The following MAPK8IP3 variants were observed in gnomAD, a reference collection of about 807,000 sequenced individuals.
MAPK8IP3 encodes mitogen-activated protein kinase 8 interacting protein 3.
A neutral mutation model predicts 157.8 loss-of-function variants in MAPK8IP3; 49 were observed. The observed-to-expected ratio is 0.31, with a 90% CI of 0.25 to 0.39. The LOEUF (loss-of-function observed/expected upper bound fraction) is 0.39, where lower values mean the gene tolerates loss of function less well. MAPK8IP3 is among the 10% of genes least tolerant of loss of function. MAPK8IP3 has a pLI of 1.00. For missense variants in MAPK8IP3, 1,478 were observed against 1,889.4 expected, an observed-to-expected ratio of 0.78 and a Z score of 4.04; for synonymous variants, 897 against 777.7, an observed-to-expected ratio of 1.15 and a Z score of -2.55.
chr16:1,749,952 G>A (rs534963023), intron 8 of MAPK8IP3, among the ~76,000 whole-genome samples: 5 of 152,280 alleles, frequency 3.3e-5, no homozygotes, highest in African/African-American at 4.8e-5. Flanking sequence ...CATGTTAACC[G>A]AGTTGAAGTG....
At chr16:1,736,628 G>A (rs1306145603) in intron 4 of MAPK8IP3, among the ~76,000 whole-genome samples, 58 of 52,486 alleles carry the variant, frequency 1.1e-3, no homozygotes, top group East Asian at 1.5e-3. Context: ...CCGTGTGAGC[G>A]TCCGTGTGAG....
chr16:1,758,211 G>A (rs764800609), intron 9 of MAPK8IP3, 52 bp downstream of exon 9: 83 of 1,605,000 alleles, frequency 5.2e-5, no homozygotes, highest in Middle Eastern at 1.7e-4. Context: ...GGGGGGAGTG[G>A]GTGGACGGGG....
At chr16:1,735,308 G>A (rs1012178676) in intron 4 of MAPK8IP3, among the ~76,000 whole-genome samples, 4 of 151,104 alleles carry the variant, frequency 2.6e-5, no homozygotes, top group Non-Finnish European at 5.9e-5. Flanking sequence ...GTGACTGTCC[G>A]TGTTTCCGTG....
At chr16:1,766,184 T>C in intron 21 of MAPK8IP3, 36 bp from the exon 22 acceptor site, 1 of 1,602,338 alleles carries the variant, frequency 6.2e-7, no homozygotes, top group Non-Finnish European at 8.5e-7. Context: ...CATTCCCACG[T>C]TTCTGCCCAG....
At position 1,706,729 on chromosome 16, in the gene MAPK8IP3, A is replaced by T; in HGVS notation, c.318+72A>T. The T allele has an allele frequency of 1.1e-5, 16 of 1,392,496 alleles. No homozygotes were observed. Among genetic ancestry groups the T allele is most frequent in the Non-Finnish European group, 1.4e-5 (15 of 1,063,000 alleles). The allele number at this position is 1,392,496 out of a possible 1,614,324, so 86.3% of individuals were successfully genotyped here. On this transcript the variant is annotated intron_variant, in intron 1 of 31. Transcript: ENST00000610761. This position sits in a 1 kb window ranked among gnomAD's most constrained non-coding sequence, Gnocchi z 5.1. ...GCCAGCCCCGGGCCCCGGACCCAAC[A>T]CCCGTCCCGACCCCAGACCCCGCTC...
At chr16:1,734,126 T>C (rs1005519581) in intron 4 of MAPK8IP3, among the ~76,000 whole-genome samples, 15 of 152,098 alleles carry the variant, frequency 9.9e-5, no homozygotes, top group African/African-American at 3.6e-4. Flanking sequence ...TGCAGTGGGG[T>C]CTGCGCAGCT....
chr16:1,737,071 AGCGTGTGACCGTCCGTGT>A (rs2039986034), intron 4 of MAPK8IP3, among the ~76,000 whole-genome samples: 1 of 56,862 alleles, frequency 1.8e-5, no homozygotes, highest in Admixed American at 2.7e-4. Context: ...CGTCCGTGTG[AGCGTGTGACCGTCCGTGT>A]GAGTGTGACC....
intron 4 of MAPK8IP3, among the ~76,000 whole-genome samples, chr16:1,736,805 C>CAT (rs1567165325): frequency 6.6e-5 from 3 of 45,722 alleles, no homozygotes; most frequent in Non-Finnish European, 7.3e-5. Flanking sequence ...TCCGTGTGAG[C>CAT]GTGTGACCGT....
chr16:1,765,848 C>G (rs1431763410), intron 20 of MAPK8IP3, 112 bp from the exon 21 acceptor site: 13 of 1,009,778 alleles, frequency 1.3e-5, no homozygotes, highest in Non-Finnish European at 1.7e-5. Context: ...GCTGGGTCTG[C>G]TGGGAAAGTG....
At chr16:1,731,007 GCACA>G (rs2039281915) in intron 4 of MAPK8IP3, among the ~76,000 whole-genome samples, 1 of 152,006 alleles carries the variant, frequency 6.6e-6, no homozygotes, top group Admixed American at 6.6e-5. Context: ...GGGTGTGGTG[GCACA>G]TGCCTGTAGT....
Position 1,724,501 on chromosome 16 carries a change from G to GC in MAPK8IP3, c.319-55dup, listed in dbSNP as rs2038739037. 1 of 1,581,880 alleles carries GC rather than the reference G, an allele frequency of 6.3e-7. No individual in the cohort carries two copies. The highest frequency in any genetic ancestry group is 1.7e-5 in the Admixed American group (1 of 58,734). On this transcript the variant is annotated intron_variant, in intron 1 of 31. Coordinates refer to ENST00000610761, the MANE Select transcript of MAPK8IP3 (RefSeq NM_001318852.2). This position sits in a 1 kb window ranked among gnomAD's most constrained non-coding sequence, Gnocchi z 4.1. Reference sequence around the variant, plus strand: ...AAGCCTGCGGCCCTTCAAGTGAAAGGCGGCTGCTCCACACTCACTCCTGAT... The same window carrying GC: ...AAGCCTGCGGCCCTTCAAGTGAAAGGCCGGCTGCTCCACACTCACTCCTGAT...
intron 1 of MAPK8IP3, among the ~76,000 whole-genome samples, chr16:1,722,178 C>T (rs943745553): frequency 6.6e-6 from 1 of 152,162 alleles, no homozygotes; most frequent in Admixed American, 6.6e-5. Flanking sequence ...TTTTGTACCG[C>T]CGCACAAAAA....
At chr16:1,713,741 G>C (rs1200255310) in intron 1 of MAPK8IP3, 1 of 152,248 alleles carries the variant, frequency 6.6e-6, no homozygotes, top group Non-Finnish European at 1.5e-5. Context: ...CCTGTGCTCA[G>C]GGCACAGGAT....
rs368048595 is a variant in MAPK8IP3 at position 1,748,309 on chromosome 16, A to G, written c.1060A>G (p.Met354Val). The G allele has an allele frequency of 6.2e-7, 1 of 1,613,950 alleles. No individual in the cohort carries two copies. ...TATTGACTCCACGCCAGAGCTGGAC[A>G]TGTGTCCAGAGACCCGCCTGGACCG... ...DIIDSTPELD[M>V]CPETRLDRTG... The change falls in exon 7 of 32, where the codon ATG (methionine) becomes GTG (valine). Residue 354 changes from methionine to valine, a missense_variant. By Grantham distance (21) the Met-to-Val change is conservative. Coordinates refer to ENST00000610761, the MANE Select transcript of MAPK8IP3 (RefSeq NM_001318852.2).
chr16:1,754,456 G>A (rs1044673711), intron 8 of MAPK8IP3, among the ~76,000 whole-genome samples: 5 of 152,024 alleles, frequency 3.3e-5, no homozygotes, highest in South Asian at 4.1e-4. Flanking sequence ...AGATTCCACC[G>A]ATGTAGTAGC....
At position 1,751,962 on chromosome 16, in the gene MAPK8IP3, T is replaced by G. The variant is rs1468888387; in HGVS notation, c.1216+3242T>G. ...TTTGCCCTAATGGGCCCCTGCTTGGTGCTTTCCACCTTTGGGAGGCTGTGA... is the reference window on the plus strand; with the variant it reads ...TTTGCCCTAATGGGCCCCTGCTTGGGGCTTTCCACCTTTGGGAGGCTGTGA... On this transcript the variant is annotated intron_variant, in intron 8 of 31. Transcript: ENST00000610761. The surrounding 1 kb of genome is among the most constrained non-coding windows in gnomAD (Gnocchi z 5.0). 1 of 152,326 alleles carries G rather than the reference T, an allele frequency of 6.6e-6. No individual in the cohort carries two copies. The highest frequency in any genetic ancestry group is 1.9e-4 in the East Asian group (1 of 5,198). 9.4% of individuals were successfully genotyped at this position (152,326 alleles called of 1,614,324 possible). A position where few individuals can be genotyped will look rare whatever the true frequency, so the allele number is the denominator to read the frequency against.
intron 1 of MAPK8IP3, among the ~76,000 whole-genome samples, chr16:1,714,454 G>A (rs1270759344): frequency 1.3e-5 from 2 of 152,210 alleles, no homozygotes; most frequent in East Asian, 1.9e-4. Flanking sequence ...ACGCGACAGG[G>A]CCTTTCCTCA....
At position 1,765,140 on chromosome 16, in the gene MAPK8IP3, T is replaced by C; in HGVS notation, c.2408T>C (p.Val803Ala). The change falls in exon 20 of 32, where the codon GTC becomes GCC. Residue 803 changes from valine (V) to alanine (A), a missense_variant. Coordinates refer to ENST00000610761, the MANE Select transcript of MAPK8IP3 (RefSeq NM_001318852.2). Reference protein sequence around the residue: ...QPGTVVDQFTVCNAHVLCISS... With the variant: ...QPGTVVDQFTACNAHVLCISS... ...GGCACGGTGGTGGACCAGTTCACCG[T>C]CTGCAACGCGCACGTGCTGTGCATC... 2 of 1,611,090 alleles carry C rather than the reference T, an allele frequency of 1.2e-6. No individual in the cohort carries two copies. Among genetic ancestry groups the C allele is most frequent in the Non-Finnish European group, 1.7e-6 (2 of 1,178,616 alleles).
Position 1,760,479 on chromosome 16 carries a change from G to T in MAPK8IP3, c.1404G>T (p.Gln468His), listed in dbSNP as rs1164350099. The change falls in exon 12 of 32, where the codon CAG becomes CAT. Residue 468 changes from glutamine to histidine, a missense_variant. Physicochemically the swap from Gln to His is conservative, Grantham distance 24 (BLOSUM62 0). This residue lies in a region of MAPK8IP3 where 96 missense variants were observed against 106.3 expected (regional missense o/e 0.90). Transcript: ENST00000610761. Reference sequence around the variant, plus strand: ...GGGGCGAGTTGGAGGCTGCTAAGCAGGCCAAAGTCAAGCTGGAAAACCGTA... The same window carrying T: ...GGGGCGAGTTGGAGGCTGCTAAGCATGCCAAAGTCAAGCTGGAAAACCGTA... ...VLRGELEAAK[Q>H]AKVKLENRIK... 1 of 1,613,944 alleles carries T rather than the reference G, an allele frequency of 6.2e-7. No homozygotes were observed. The highest frequency in any genetic ancestry group is 1.7e-5 in the Admixed American group (1 of 60,018).
Sources: gnomAD v4.1 joint callset for allele counts (sites outside exome capture counted in the v4.1 genomes callset) on GRCh38, gnomAD v4.1.1 for gene constraint, gnomAD v4.1.1 regional missense constraint, Gnocchi (gnomAD v3.1) non-coding constraint, MANE v1.5 for transcripts, NCBI Gene and HGNC (gene_info 2026-07-23, HGNC 2026-07-21) for gene names.